Variants in THADA observed in about 807,000 individuals in gnomAD.
THADA encodes the protein THADA armadillo repeat containing.
THADA carries 213 observed loss-of-function variants against 219.8 expected under a neutral mutation model. That is an observed-to-expected ratio of 0.97 (90% CI 0.87 to 1.09). The LOEUF is 1.09. THADA is among the 50% of genes least tolerant of loss of function. The pLI is 0.00. For missense variants in THADA, 2,956 were observed against 2,311.3 expected (o/e 1.28, Z -5.72); for synonymous variants, 1,018 against 828.9 (o/e 1.23, Z -3.92).
chr2:43,395,152 C>A, intron 29 of THADA, among the ~76,000 whole-genome samples: 1 of 152,184 alleles, frequency 6.6e-6, no homozygotes, highest in South Asian at 2.1e-4. Flanking sequence ...GCAACTCCAA[C>A]CAAACTACTT....
rs367946739 is a variant in THADA at position 43,542,932 on chromosome 2, A to G, written c.3107-1616T>C. Among the ~76,000 whole-genome samples, 5 of 151,946 alleles carry G rather than the reference A, an allele frequency of 3.3e-5. No individual in the cohort carries two copies. The South Asian group carries it at 8.3e-4, about 25-fold the overall frequency. ...TGCACAATGTGCAGGTTAGTTACATATGTATACATGTGCCATGCTGGTGTG... is the reference window on the plus strand; with the variant it reads ...TGCACAATGTGCAGGTTAGTTACATGTGTATACATGTGCCATGCTGGTGTG... On this transcript the variant is annotated intron_variant, in intron 20 of 37. Coordinates refer to ENST00000405975, the MANE Select transcript of THADA (RefSeq NM_022065.5).
intron 26 of THADA, among the ~76,000 whole-genome samples, chr2:43,458,649 C>T (rs1267923263): frequency 3.3e-5 from 5 of 152,114 alleles, no homozygotes; most frequent in African/African-American, 9.7e-5. Context: ...TAGCCTACAT[C>T]TCCGGTTTAC....
At chr2:43,466,975 G>A (rs1171741842) in intron 26 of THADA, among the ~76,000 whole-genome samples, 1 of 151,868 alleles carries the variant, frequency 6.6e-6, no homozygotes. Context: ...GAGGTCAGGA[G>A]ATCGAGACCA....
chr2:43,304,451 G>C (rs564270135), intron 31 of THADA, among the ~76,000 whole-genome samples: 12 of 152,260 alleles, frequency 7.9e-5, no homozygotes, highest in African/African-American at 2.9e-4. Flanking sequence ...AGTGATACTG[G>C]TCGTGCCACC....
intron 16 of THADA, among the ~76,000 whole-genome samples, chr2:43,558,245 G>A (rs1006528042): frequency 4.6e-5 from 7 of 152,244 alleles, no homozygotes; most frequent in South Asian, 4.1e-4. Context: ...TCAACAATAC[G>A]TATGTACACG....
chr2:43,430,383 G>T, intron 26 of THADA, 81 bp from the exon 27 acceptor site: 1 of 712,330 alleles, frequency 1.4e-6, no homozygotes, highest in Non-Finnish European at 2.3e-6. Flanking sequence ...AAAAAAGGAA[G>T]ATAAGTACGG....
Position 43,268,473 on chromosome 2 carries a change from C to T in THADA, c.5296+11292G>A, listed in dbSNP as rs536469015. Among the ~76,000 whole-genome samples the T allele has an allele frequency of 5.9e-5, 9 of 152,304 alleles. No individual in the cohort carries two copies. The South Asian group carries it at 1.2e-3, about 21-fold the overall frequency. On this transcript the variant is annotated intron_variant, in intron 36 of 37. Coordinates refer to ENST00000405975, the MANE Select transcript of THADA (RefSeq NM_022065.5). ...GCCACTCTCCATTCTGCTCTTCTGC[C>T]CATGAGAGGTCTTGCCATGGGGACT...
intron 29 of THADA, among the ~76,000 whole-genome samples, chr2:43,370,843 G>C (rs1001627143): frequency 6.6e-6 from 1 of 152,164 alleles, no homozygotes; most frequent in Non-Finnish European, 1.5e-5. Flanking sequence ...ATGCACAGGG[G>C]CAAGGCTATT....
chr2:43,242,677 C>T (rs1235172665), intron 36 of THADA, among the ~76,000 whole-genome samples: 1 of 152,122 alleles, frequency 6.6e-6, no homozygotes, highest in Non-Finnish European at 1.5e-5. Flanking sequence ...TTGGTAGAGA[C>T]AGGGTTTCAC....
chr2:43,359,928 C>T (rs918674405), intron 29 of THADA, among the ~76,000 whole-genome samples: 18 of 151,272 alleles, frequency 1.2e-4, no homozygotes, highest in South Asian at 2.1e-4. Context: ...CCAGCTCCAA[C>T]GGGCTTTTTT....
At chr2:43,545,960 G>A (rs1375985593) in intron 20 of THADA, among the ~76,000 whole-genome samples, 2 of 151,542 alleles carry the variant, frequency 1.3e-5, no homozygotes, top group African/African-American at 4.9e-5. Context: ...TTTTAATTGT[G>A]ATGTTAGGGT....
chr2:43,312,060 AG>A (rs996468254), intron 31 of THADA, among the ~76,000 whole-genome samples: 1 of 152,120 alleles, frequency 6.6e-6, no homozygotes, highest in African/African-American at 2.4e-5. Flanking sequence ...AAACAAAAAC[AG>A]AAAAACCACT....
chr2:43,504,047 T>C (rs994241154), intron 24 of THADA, among the ~76,000 whole-genome samples: 1 of 152,034 alleles, frequency 6.6e-6, no homozygotes, highest in Non-Finnish European at 1.5e-5. Flanking sequence ...ACCTGTTCAG[T>C]ATAATGCAAA....
At chr2:43,503,764 C>G (rs1689315473) in intron 24 of THADA, among the ~76,000 whole-genome samples, 1 of 152,004 alleles carries the variant, frequency 6.6e-6, no homozygotes, top group South Asian at 2.1e-4. Flanking sequence ...TGGTCAGAGA[C>G]AAAATTTTTA....
intron 26 of THADA, among the ~76,000 whole-genome samples, chr2:43,479,454 A>T (rs1160254057): frequency 1.3e-5 from 2 of 152,178 alleles, no homozygotes; most frequent in African/African-American, 4.8e-5. Flanking sequence ...AATGGTTATT[A>T]GTATCATTTT....
intron 29 of THADA, among the ~76,000 whole-genome samples, chr2:43,364,189 C>G (rs923116833): frequency 2.0e-5 from 3 of 152,012 alleles, no homozygotes; most frequent in African/African-American, 7.3e-5. Flanking sequence ...TGCTGCTGCA[C>G]TCCAGCCTGT....
At chr2:43,354,576 T>C (rs941050648) in intron 29 of THADA, among the ~76,000 whole-genome samples, 1 of 152,126 alleles carries the variant, frequency 6.6e-6, no homozygotes, top group Non-Finnish European at 1.5e-5. Flanking sequence ...ATTGTTTTAA[T>C]TTTTGGCTCC....
Position 43,552,149 on chromosome 2 carries a change from A to G in THADA, c.2810+55T>C, listed in dbSNP as rs13397235. On this transcript the variant is annotated intron_variant, in intron 18 of 37. Transcript: ENST00000405975. ...CCAGGACACATTCCAACCAGAGGTT[A>G]AAGCTCAGAAATGAATGGATTTCTG... The G allele has an allele frequency of 1.3e-3, 2,035 of 1,567,628 alleles. 25 individuals are homozygous for G. The African/African-American group carries it at 0.025, about 19-fold the overall frequency.
At chr2:43,430,388 G>GT (rs1679083961) in intron 26 of THADA, 86 bp from the exon 27 acceptor site, 1 of 696,798 alleles carries the variant, frequency 1.4e-6, no homozygotes, top group Non-Finnish European at 2.4e-6. Context: ...AGGAAGATAA[G>GT]TACGGTTGTT....
Sources: allele counts gnomAD v4.1 joint callset (sites outside exome capture counted in the v4.1 genomes callset), GRCh38; gene constraint gnomAD v4.1.1; transcripts MANE v1.5; gene names NCBI Gene and HGNC (gene_info 2026-07-23, HGNC 2026-07-21).